The following ARHGAP6 variants were observed in gnomAD, a reference collection of about 807,000 sequenced individuals.
ARHGAP6 encodes the protein Rho GTPase activating protein 6, also known as rho GTPase-activating protein 6.
ARHGAP6 carries 16 observed loss-of-function variants against 55.7 expected under a neutral mutation model. The ratio of observed to expected loss-of-function variants is 0.29; its 90% CI spans 0.19 to 0.44. The LOEUF (loss-of-function observed/expected upper bound fraction) is 0.44, where lower values mean the gene tolerates loss of function less well. ARHGAP6 is among the 20% of genes least tolerant of loss of function. The pLI, the probability that ARHGAP6 is intolerant of heterozygous loss-of-function variation, is 1.00. For synonymous variants in ARHGAP6, 382 were observed against 360.9 expected (o/e 1.06, Z -0.66); for missense variants, 698 against 808.9 (o/e 0.86, Z 1.66).
At chrX:11,176,299 GCATA>G (rs1468055072) in intron 8 of ARHGAP6, among the ~76,000 whole-genome samples, 1 of 10,774 alleles carries the variant, frequency 9.3e-5, no homozygotes, top group Non-Finnish European at 1.9e-4. Flanking sequence ...GTATTTGCAT[GCATA>G]TATATATATA....
Position 11,143,987 on chromosome X carries a change from A to C in ARHGAP6, c.2169T>G (p.Leu723=), listed in dbSNP as rs758642484. 1.2e-4 allele frequency: 149 copies of C among 1,210,263 alleles called. No individual in the cohort carries two copies. The South Asian group carries it at 2.4e-3, about 20-fold the overall frequency. Residue 723 remains leucine, a synonymous_variant, in exon 11 of 13, where the codon CTT becomes CTG. Transcript: ENST00000337414. Reference sequence around the variant, plus strand: ...TGGCCAGGCTCCAGTTACCTTTCCCAAGCCTTGGTCCAGGAGAACTTTCCC... The same window carrying C: ...TGGCCAGGCTCCAGTTACCTTTCCCCAGCCTTGGTCCAGGAGAACTTTCCC... ...KSRESSPGPR[L]GKDLSEEPFD...
At chrX:11,494,009 A>G (rs1350817908) in intron 1 of ARHGAP6, among the ~76,000 whole-genome samples, 1 of 109,857 alleles carries the variant, frequency 9.1e-6, no homozygotes, top group African/African-American at 3.3e-5. Context: ...CCATTTCTGA[A>G]ATGAAAACTG....
chrX:11,340,814 T>C (rs771710706), intron 1 of ARHGAP6, among the ~76,000 whole-genome samples: 1 of 112,009 alleles, frequency 8.9e-6, no homozygotes, highest in Admixed American at 9.5e-5. Flanking sequence ...AATTTGGAAT[T>C]ACTGATTTAC....
chrX:11,309,884 G>A (rs1168683167), intron 1 of ARHGAP6, among the ~76,000 whole-genome samples: 1 of 111,613 alleles, frequency 9.0e-6, no homozygotes, highest in East Asian at 2.8e-4. Context: ...TCACAGTGAG[G>A]CTCATGCCGG....
chrX:11,139,238 G>T lies in ARHGAP6; in HGVS notation c.2550C>A (p.Ser850Arg). 8.3e-7 allele frequency: 1 copy of T among 1,199,340 alleles called. No individual in the cohort carries two copies. Reference protein sequence around the residue: ...YLTLSGAHDLSESELDVAGLQ... With the variant: ...YLTLSGAHDLRESELDVAGLQ... ...GCCCGGCCACATCCAGCTCACTCTC[G>T]CTGAGGTCGTGGGCGCCGCTCAGGG... The change falls in exon 13 of 13, where the codon AGC (serine) becomes AGA (arginine). Residue 850 changes from serine to arginine, a missense_variant. Physicochemically the swap from Ser to Arg is moderately radical, Grantham distance 110. This residue lies in a region of ARHGAP6 where 212 missense variants were observed against 208.7 expected (regional missense o/e 1.02). Coordinates refer to ENST00000337414, the MANE Select transcript of ARHGAP6 (RefSeq NM_013427.3).
chrX:11,614,458 A>AG (rs745674304), intron 1 of ARHGAP6, among the ~76,000 whole-genome samples: 1 of 111,479 alleles, frequency 9.0e-6, no homozygotes, highest in East Asian at 2.8e-4. Flanking sequence ...GAGAGAACCA[A>AG]GGGGGGAACT....
intron 1 of ARHGAP6, among the ~76,000 whole-genome samples, chrX:11,357,498 C>G (rs1446198136): frequency 1.8e-5 from 2 of 111,714 alleles, no homozygotes; most frequent in African/African-American, 6.5e-5. Flanking sequence ...ATCCTACACT[C>G]TTATGATTTG....
intron 1 of ARHGAP6, among the ~76,000 whole-genome samples, chrX:11,583,125 C>A (rs1328225333): frequency 1.8e-5 from 2 of 112,168 alleles, no homozygotes; most frequent in Non-Finnish European, 3.8e-5. Flanking sequence ...CAGTTAATGG[C>A]AGAGCTGTGA....
chrX:11,289,511 C>T (rs1241895456), intron 1 of ARHGAP6, among the ~76,000 whole-genome samples: 3 of 111,434 alleles, frequency 2.7e-5, no homozygotes, highest in African/African-American at 9.8e-5. Context: ...GAAGGGAGAG[C>T]AGGGAGGGAG....
chrX:11,427,895 G>A lies in ARHGAP6; in HGVS notation c.589-173188C>T, dbSNP rs1038775981. On this transcript the variant is annotated intron_variant, in intron 1 of 12. Transcript: ENST00000337414. ...GCCGAGTCTGATGCGATGGGCGGGC[G>A]TTTAATTCCTTCCGCTCCTGGCGGG... is the stretch of plus-strand genomic sequence containing the variant. 2.0e-4 allele frequency: 111 copies of A among 567,206 alleles called. No homozygotes were observed. The African/African-American group carries it at 2.6e-3, about 13-fold the overall frequency. 46.7% of individuals were successfully genotyped at this position (567,206 alleles called of 1,213,427 possible).
intron 1 of ARHGAP6, among the ~76,000 whole-genome samples, chrX:11,547,958 G>T (rs1489360103): frequency 9.0e-6 from 1 of 111,092 alleles, no homozygotes; most frequent in Non-Finnish European, 1.9e-5. Flanking sequence ...CACTTTCTGG[G>T]ACTCTATGGA....
At chrX:11,519,987 G>A (rs1216655370) in intron 1 of ARHGAP6, among the ~76,000 whole-genome samples, 1 of 94,911 alleles carries the variant, frequency 1.1e-5, no homozygotes, top group African/African-American at 3.9e-5. Flanking sequence ...ATTGACAAAT[G>A]GGATCTAATT....
chrX:11,511,037 T>C (rs1274328856), intron 1 of ARHGAP6, among the ~76,000 whole-genome samples: 1 of 111,624 alleles, frequency 9.0e-6, no homozygotes, highest in African/African-American at 3.3e-5. Flanking sequence ...CCACCAAGTT[T>C]TGAAGTGGTT....
intron 1 of ARHGAP6, among the ~76,000 whole-genome samples, chrX:11,291,707 A>T (rs1816510749): frequency 1.8e-5 from 2 of 111,476 alleles, no homozygotes; most frequent in African/African-American, 6.5e-5. Flanking sequence ...TTCAAAGGGA[A>T]TCCTTCTTGT....
intron 1 of ARHGAP6, among the ~76,000 whole-genome samples, chrX:11,470,509 T>C (rs2050337249): frequency 8.9e-6 from 1 of 112,437 alleles, no homozygotes; most frequent in African/African-American, 3.2e-5. Context: ...TGAGCTAATG[T>C]GGATGTTATT....
intron 1 of ARHGAP6, among the ~76,000 whole-genome samples, chrX:11,310,682 T>G (rs775474682): frequency 5.4e-5 from 6 of 111,952 alleles, no homozygotes; most frequent in African/African-American, 1.6e-4. Flanking sequence ...TCCTGCAAAT[T>G]TACCTATGTG....
chrX:11,214,838 A>C (rs1569258819), intron 2 of ARHGAP6, among the ~76,000 whole-genome samples: 1 of 113,298 alleles, frequency 8.8e-6, no homozygotes, highest in Admixed American at 9.2e-5. Flanking sequence ...CTGCAGGTCC[A>C]CTGAGGGAGC....
chrX:11,242,801 AT>A (rs1293135382), intron 2 of ARHGAP6, among the ~76,000 whole-genome samples: 1 of 111,877 alleles, frequency 8.9e-6, no homozygotes, highest in Non-Finnish European at 1.9e-5. Flanking sequence ...TAAAACCCAA[AT>A]TTTGGGAGTC....
chrX:11,643,976 C>A (rs1488774618), intron 1 of ARHGAP6, among the ~76,000 whole-genome samples: 3 of 111,928 alleles, frequency 2.7e-5, no homozygotes, highest in Non-Finnish European at 5.6e-5. Flanking sequence ...CCAGACTACA[C>A]AAACCTACAG....
Sources: allele counts gnomAD v4.1 joint callset (sites outside exome capture counted in the v4.1 genomes callset), GRCh38; gene constraint gnomAD v4.1.1; regional missense constraint gnomAD v4.1.1; transcripts MANE v1.5; gene names NCBI Gene and HGNC (gene_info 2026-07-23, HGNC 2026-07-21).